The following FAM229B variants were observed in gnomAD, a reference collection of about 807,000 sequenced individuals.
The protein encoded by FAM229B is protein FAM229B.
Under a neutral mutation model 6.7 loss-of-function variants are expected in FAM229B, and 2 were observed. The observed-to-expected ratio is 0.30, with a 90% CI of 0.12 to 0.94. The LOEUF (loss-of-function observed/expected upper bound fraction) is 0.94. Ranked by LOEUF, FAM229B falls within the 40% of genes least tolerant of loss-of-function variation. The pLI, the probability that FAM229B is intolerant of heterozygous loss-of-function variation, is 0.54. For missense variants in FAM229B, 93 were observed against 96.2 expected, an observed-to-expected ratio of 0.97 and a Z score of 0.14; for synonymous variants, 29 against 34.0, an observed-to-expected ratio of 0.85 and a Z score of 0.51.
At chr6:112,091,457 A>T (rs1294503755) in intron 1 of FAM229B, among the ~76,000 whole-genome samples, 1 of 152,132 alleles carries the variant, frequency 6.6e-6, no homozygotes, top group African/African-American at 2.4e-5. Flanking sequence ...GAGTGGAGAA[A>T]CCTTAAAATA....
At chr6:112,090,929 A>G (rs1306651972) in intron 1 of FAM229B, among the ~76,000 whole-genome samples, 1 of 152,132 alleles carries the variant, frequency 6.6e-6, no homozygotes, top group African/African-American at 2.4e-5. Flanking sequence ...TCACCATGCT[A>G]TGTAATAGAT....
chr6:112,097,382 GT>G (rs1450961639), intron 2 of FAM229B, among the ~76,000 whole-genome samples, 181 bp downstream of exon 2: 2 of 152,090 alleles, frequency 1.3e-5, no homozygotes, highest in African/African-American at 2.4e-5. Context: ...CCTTAATTTA[GT>G]TTTATTATTA....
intron 1 of FAM229B, among the ~76,000 whole-genome samples, chr6:112,089,127 G>T (rs1022874096): frequency 1.3e-5 from 2 of 152,158 alleles, no homozygotes; most frequent in East Asian, 3.8e-4. Context: ...AATGTTTTTG[G>T]TTGAAATTAC....
At chr6:112,097,408 TC>T (rs1777341201) in intron 2 of FAM229B, among the ~76,000 whole-genome samples, 3 of 152,220 alleles carry the variant, frequency 2.0e-5, no homozygotes, top group Admixed American at 6.5e-5. Flanking sequence ...CAATAAACAT[TC>T]ACTTTTAGGC....
At chr6:112,094,751 A>C (rs1290512047) in intron 1 of FAM229B, among the ~76,000 whole-genome samples, 2 of 152,164 alleles carry the variant, frequency 1.3e-5, no homozygotes. Flanking sequence ...TTAGAACATG[A>C]CAAGTTCAAA....
chr6:112,097,684 AT>A (rs1777345484), intron 2 of FAM229B, among the ~76,000 whole-genome samples: 1 of 152,202 alleles, frequency 6.6e-6, no homozygotes, highest in Non-Finnish European at 1.5e-5. Context: ...AGTTGAAAAC[AT>A]TGTGTACTAA....
In FAM229B at chr6:112,101,323, T is replaced by C. The variant is rs1777396169; in HGVS notation, c.*536T>C. 2 of 152,410 alleles carry C rather than the reference T, an allele frequency of 1.3e-5. No homozygotes were observed. The highest frequency in any genetic ancestry group is 4.1e-4 in the South Asian group (2 of 4,832). 9.4% of individuals were successfully genotyped at this position (152,410 alleles called of 1,614,324 possible). A position where few individuals can be genotyped will look rare whatever the true frequency, so the allele number is the denominator to read the frequency against. On this transcript the variant is annotated 3_prime_UTR_variant, in exon 4 of 4. Transcript: ENST00000368656. ...AAGATCAAAGAAAGTTCTTAGTCCA[T>C]GGTTAATCTGCAAGGCATTTAAGCC...
Position 112,096,564 on chromosome 6 carries a change from C to A in FAM229B, c.-175-477C>A, listed in dbSNP as rs139270357. On this transcript the variant is annotated intron_variant, in intron 1 of 3. Transcript: ENST00000368656. The stretch of plus-strand genomic sequence containing the variant: ...GAGCGAGACTCTGTCTCAACAACAA[C>A]AACAAAAAAGATGTATTCTTCCTTT... Among the ~76,000 whole-genome samples the A allele has an allele frequency of 4.6e-5, 7 of 151,690 alleles. No individual in the cohort carries two copies. In the East Asian group the frequency reaches 1.2e-3, roughly 25 times the overall value.
Position 112,089,656 on chromosome 6 carries a change from G to T in FAM229B, c.-176+1936G>T, listed in dbSNP as rs117867234. Among the ~76,000 whole-genome samples the T allele has an allele frequency of 6.2e-3, 948 of 152,182 alleles. 31 individuals carry two copies. Among genetic ancestry groups the T allele is most frequent in the Admixed American group, 0.054 (829 of 15,282 alleles). On this transcript the variant is annotated intron_variant, in intron 1 of 3. Transcript: ENST00000368656. Reference sequence around the variant, plus strand: ...CAACATCCACCTTAAAGGACTTAAAGAAATAATTTTTAAAAGCATTTAAGA... The same window carrying T: ...CAACATCCACCTTAAAGGACTTAAATAAATAATTTTTAAAAGCATTTAAGA...
At chr6:112,100,372 A>G (rs182789401) in intron 3 of FAM229B, among the ~76,000 whole-genome samples, 3 of 152,336 alleles carry the variant, frequency 2.0e-5, no homozygotes, top group East Asian at 1.9e-4. Context: ...GTAACTATGC[A>G]CTTTTGTTTT....
At chr6:112,090,009 G>C (rs1554318028) in intron 1 of FAM229B, among the ~76,000 whole-genome samples, 1 of 152,064 alleles carries the variant, frequency 6.6e-6, no homozygotes, top group Admixed American at 6.6e-5. Flanking sequence ...AGGTACCTAG[G>C]CATGAAATGA....
At chr6:112,089,410 A>G (rs1472841412) in intron 1 of FAM229B, among the ~76,000 whole-genome samples, 1 of 152,154 alleles carries the variant, frequency 6.6e-6, no homozygotes, top group African/African-American at 2.4e-5. Context: ...CATCATATCT[A>G]CTTTGTGCTG....
chr6:112,098,497 A>G (rs1777355085), intron 2 of FAM229B, among the ~76,000 whole-genome samples: 1 of 152,220 alleles, frequency 6.6e-6, no homozygotes, highest in African/African-American at 2.4e-5. Flanking sequence ...TACGTGTATT[A>G]CCTTACTTAA....
At chr6:112,087,787 T>G (rs1777196349) in intron 1 of FAM229B, 67 bp downstream of exon 1, 1 of 286,596 alleles carries the variant, frequency 3.5e-6, no homozygotes, top group Non-Finnish European at 6.5e-6. Flanking sequence ...TATCAGAGGT[T>G]TAATTTTTGT....
chr6:112,100,572 T>C (rs1777383782), intron 3 of FAM229B, 98 bp from the exon 4 acceptor site: 2 of 768,890 alleles, frequency 2.6e-6, no homozygotes, highest in East Asian at 2.5e-5. Context: ...TTCAAAGTGA[T>C]TTAAAACAGT....
rs587763776 is a variant in FAM229B, at chr6:112,097,057, T to A, written c.-159T>A. Reference sequence around the variant, plus strand: ...ATTCTTTAGCAGGTAGGAAACTATGTGAAAGAATCTCCTGATGTCATAATT... The same window carrying A: ...ATTCTTTAGCAGGTAGGAAACTATGAGAAAGAATCTCCTGATGTCATAATT... On this transcript the variant is annotated 5_prime_UTR_variant, in exon 2 of 4. It removes the in-frame stop codon of an upstream open reading frame in the 5' UTR. Transcript: ENST00000368656. The A allele has an allele frequency of 1.4e-4, 22 of 152,362 alleles. No homozygotes were observed. The highest frequency in any genetic ancestry group is 5.3e-4 in the African/African-American group (22 of 41,580). The allele number at this position is 152,362 out of a possible 1,614,324, so 9.4% of individuals were successfully genotyped here.
chr6:112,099,219 A>G (rs1777363493), intron 2 of FAM229B, 51 bp from the exon 3 acceptor site: 4 of 1,498,084 alleles, frequency 2.7e-6, no homozygotes, highest in Admixed American at 1.8e-5. Context: ...TCCACCCCCA[A>G]TATTTTAATT....
At chr6:112,094,062 TTGA>T (rs1777291161) in intron 1 of FAM229B, among the ~76,000 whole-genome samples, 1 of 152,072 alleles carries the variant, frequency 6.6e-6, no homozygotes, top group South Asian at 2.1e-4. Flanking sequence ...AAGGAGTGCT[TTGA>T]TGGAAATTTA....
chr6:112,100,960 A>G lies in FAM229B; in HGVS notation c.*173A>G. ...TAGTCAGTAAAGCACATGTAGTGAT[A>G]GGCTATCAGTTATGTCTGATACATA... On this transcript the variant is annotated 3_prime_UTR_variant, in exon 4 of 4. Transcript: ENST00000368656. 1.7e-6 allele frequency: 1 copy of G among 583,906 alleles called. No homozygotes were observed. The highest frequency in any genetic ancestry group is 3.1e-6 in the Non-Finnish European group (1 of 326,544). The allele number at this position is 583,906 out of a possible 1,614,324, so 36.2% of individuals were successfully genotyped here.
Sources: allele counts gnomAD v4.1 joint callset (sites outside exome capture counted in the v4.1 genomes callset), GRCh38; gene constraint gnomAD v4.1.1; transcripts MANE v1.5; gene names NCBI Gene and HGNC (gene_info 2026-07-23, HGNC 2026-07-21).